The following GFRA2 variants were observed in gnomAD, a reference collection of about 807,000 sequenced individuals.
The protein encoded by GFRA2 is GDNF family receptor alpha 2, also known as GDNF family receptor alpha-2.
GFRA2 carries 17 observed loss-of-function variants against 48.3 expected under a neutral mutation model. That is an observed-to-expected ratio of 0.35 (90% CI 0.24 to 0.53). The LOEUF is 0.53. Among genes scored for constraint, GFRA2 ranks in the 20% least tolerant of loss-of-function variants. GFRA2 has a pLI of 0.93. For missense variants in GFRA2, 660 were observed against 637.3 expected (o/e 1.04, Z -0.38); for synonymous variants, 305 against 257.2 (o/e 1.19, Z -1.78).
At position 21,804,731 on chromosome 8, in the gene GFRA2, T is replaced by C. The variant is rs142780586; in HGVS notation, c.-36+286A>G. Among the ~76,000 whole-genome samples the C allele has an allele frequency of 3.3e-3, 506 of 152,304 alleles. 4 individuals carry two copies. The highest frequency in any genetic ancestry group is 0.012 in the African/African-American group (486 of 41,568). ...GGGGCAGCGACATCAATAAGTTCCATTGTGTCATGAGTGTTATTGAAGAGC... is the reference window on the plus strand; with the variant it reads ...GGGGCAGCGACATCAATAAGTTCCACTGTGTCATGAGTGTTATTGAAGAGC... On this transcript the variant is annotated intron_variant, in intron 2 of 10. Transcript: ENST00000517328.
At chr8:21,716,336 T>G (rs1803334017) in intron 4 of GFRA2, among the ~76,000 whole-genome samples, 1 of 151,302 alleles carries the variant, frequency 6.6e-6, no homozygotes, top group African/African-American at 2.4e-5. Context: ...GAAACATTCT[T>G]GACTACTATT....
intron 4 of GFRA2, among the ~76,000 whole-genome samples, chr8:21,722,463 G>T (rs1292098573): frequency 2.0e-5 from 3 of 152,070 alleles, no homozygotes; most frequent in African/African-American, 7.3e-5. Context: ...CTTAGCTGAG[G>T]TTAGTGTTTC....
At chr8:21,746,865 A>C (rs1298811505) in intron 4 of GFRA2, among the ~76,000 whole-genome samples, 1 of 152,094 alleles carries the variant, frequency 6.6e-6, no homozygotes, top group African/African-American at 2.4e-5. Flanking sequence ...ACGTTCTCCA[A>C]GCCACAAGTT....
At chr8:21,708,041 G>A (rs1802836250) in intron 4 of GFRA2, among the ~76,000 whole-genome samples, 1 of 152,220 alleles carries the variant, frequency 6.6e-6, no homozygotes, top group African/African-American at 2.4e-5. Context: ...CTGAGTAGCA[G>A]AGCCAAGACT....
At chr8:21,703,557 TTA>T (rs1332747814) in intron 6 of GFRA2, among the ~76,000 whole-genome samples, 1 of 152,118 alleles carries the variant, frequency 6.6e-6, no homozygotes, top group Non-Finnish European at 1.5e-5. Flanking sequence ...CTCAAACTCG[TTA>T]TGTCTAAGCC....
intron 2 of GFRA2, among the ~76,000 whole-genome samples, chr8:21,801,842 G>A (rs887737600): frequency 1.3e-5 from 2 of 152,084 alleles, no homozygotes; most frequent in East Asian, 1.9e-4. Flanking sequence ...AACTGTCCAC[G>A]CCCAGTGCTC....
At position 21,788,381 on chromosome 8, in the gene GFRA2, C is replaced by G; in HGVS notation, c.-222G>C. ...GGCGATGGGCTGCTGCCTCTCGACG[C>G]CCCCCTTGCCCGCTACAATCAAATA... On this transcript the variant is annotated 5_prime_UTR_variant, in exon 1 of 9. Transcript: ENST00000524240. The G allele has an allele frequency of 7.5e-7, 1 of 1,335,592 alleles. No homozygotes were observed. 82.7% of individuals were successfully genotyped at this position (1,335,592 alleles called of 1,614,324 possible). A position where few individuals can be genotyped will look rare whatever the true frequency, so the allele number is the denominator to read the frequency against.
In GFRA2 at chr8:21,782,647, C is replaced by G; in HGVS notation, c.293G>C (p.Gly98Ala). ...CAGACACTGCAGCTCCTTCTTCATG[C>G]CCCGCTTGCAGCGGCAGTCGTACAG... ...SPLYDCRCKR[G>A]MKKELQCLQI... is the part of the protein sequence containing the mutation. The change falls in exon 2 of 9, where the codon GGC (glycine) becomes GCC (alanine). Residue 98 changes from glycine to alanine, a missense_variant. Gly to Ala is a moderately conservative substitution (Grantham distance 60). Coordinates refer to ENST00000524240, the MANE Select transcript of GFRA2 (RefSeq NM_001495.5). 1 of 1,585,950 alleles carries G rather than the reference C, an allele frequency of 6.3e-7. No homozygotes were observed.
chr8:21,806,848 T>G (rs139038301), intron 1 of GFRA2, among the ~76,000 whole-genome samples: 7 of 152,348 alleles, frequency 4.6e-5, no homozygotes, highest in African/African-American at 1.7e-4. Context: ...GAGGGGCACC[T>G]GTTCTCAAAG....
rs1554492629 is a variant in GFRA2 at position 21,750,088 on chromosome 8, T to TATAC, written c.794+499_794+500insGTAT. 2.0e-5 allele frequency among the ~76,000 whole-genome samples: 3 copies of TATAC among 147,498 alleles called. No homozygotes were observed. Among genetic ancestry groups the TATAC allele is most frequent in the African/African-American group, 7.5e-5 (3 of 40,166 alleles). Reference sequence around the variant, plus strand: ...GTGTATATATGTGTGTGTGTGTGTATACACACACACACACACACACACGCA... The same window carrying TATAC: ...GTGTATATATGTGTGTGTGTGTGTATATACACACACACACACACACACACACGCA... On this transcript the variant is annotated intron_variant, in intron 4 of 8. Coordinates refer to ENST00000524240, the MANE Select transcript of GFRA2 (RefSeq NM_001495.5). This position sits in a 1 kb window ranked among gnomAD's most constrained non-coding sequence, Gnocchi z 5.7.
Position 21,783,096 on chromosome 8 carries a change from A to G in GFRA2, c.41-197T>C, listed in dbSNP as rs916612540. On this transcript the variant is annotated intron_variant, in intron 1 of 8. Transcript: ENST00000524240. Reference sequence around the variant, plus strand: ...TCATCCTCCCCTGGATGTAGGAGCAAGTTTTCTCCCTTTGCACTCCATTCC... The same window carrying G: ...TCATCCTCCCCTGGATGTAGGAGCAGGTTTTCTCCCTTTGCACTCCATTCC... 1.3e-4 allele frequency: 88 copies of G among 703,142 alleles called. 1 individual carries two copies. The highest frequency in any genetic ancestry group is 1.1e-3 in the South Asian group (75 of 66,790). The allele number at this position is 703,142 out of a possible 1,614,324, so 43.6% of individuals were successfully genotyped here. A position where few individuals can be genotyped will look rare whatever the true frequency, so the allele number is the denominator to read the frequency against.
At chr8:21,767,171 C>T (rs1291898460) in intron 3 of GFRA2, among the ~76,000 whole-genome samples, 1 of 147,778 alleles carries the variant, frequency 6.8e-6, no homozygotes, top group Non-Finnish European at 1.5e-5. Context: ...ACACACACCA[C>T]CACAAACACC....
chr8:21,802,091 G>C (rs1324083194), intron 2 of GFRA2, among the ~76,000 whole-genome samples: 1 of 152,210 alleles, frequency 6.6e-6, no homozygotes, highest in Non-Finnish European at 1.5e-5. Context: ...AAATGCAAAA[G>C]GAACCAGAAT....
At chr8:21,802,855 A>T (rs772756372) in intron 2 of GFRA2, among the ~76,000 whole-genome samples, 2 of 152,208 alleles carry the variant, frequency 1.3e-5, no homozygotes, top group South Asian at 2.1e-4. Flanking sequence ...ACACTTGCTA[A>T]GCTCTTCCCA....
chr8:21,697,750 C>A (rs1802280160), intron 7 of GFRA2, among the ~76,000 whole-genome samples: 1 of 152,154 alleles, frequency 6.6e-6, no homozygotes, highest in African/African-American at 2.4e-5. Context: ...TGGGAGATAA[C>A]TGAATCATGG....
At chr8:21,795,309 G>A (rs1807649416) in intron 2 of GFRA2, among the ~76,000 whole-genome samples, 1 of 151,994 alleles carries the variant, frequency 6.6e-6, no homozygotes, top group Non-Finnish European at 1.5e-5. Flanking sequence ...GGGGGCGTGA[G>A]AGAATTAATT....
At chr8:21,711,498 G>A (rs575423451) in intron 4 of GFRA2, among the ~76,000 whole-genome samples, 1 of 152,160 alleles carries the variant, frequency 6.6e-6, no homozygotes, top group East Asian at 1.9e-4. Flanking sequence ...GCTGTAGCCT[G>A]TTCAGTTGCA....
At chr8:21,777,925 A>G (rs1264956176) in intron 2 of GFRA2, among the ~76,000 whole-genome samples, 2 of 152,158 alleles carry the variant, frequency 1.3e-5, no homozygotes, top group Admixed American at 1.3e-4. Flanking sequence ...AGACTCTAGA[A>G]GCTCAGCAGC....
chr8:21,774,150 C>T (rs1044817042), intron 3 of GFRA2, among the ~76,000 whole-genome samples: 80 of 151,952 alleles, frequency 5.3e-4, no homozygotes, highest in Non-Finnish European at 8.2e-4. Context: ...AGGAGCTCAC[C>T]CCCCACCCCC....
Sources: gnomAD v4.1 joint callset for allele counts (sites outside exome capture counted in the v4.1 genomes callset) on GRCh38, gnomAD v4.1.1 for gene constraint, Gnocchi (gnomAD v3.1) non-coding constraint, MANE v1.5 for transcripts, NCBI Gene and HGNC (gene_info 2026-07-23, HGNC 2026-07-21) for gene names.